Variants in FAN1 observed in about 807,000 individuals in gnomAD.
FAN1 encodes the protein fanconi-associated nuclease 1.
Under a neutral mutation model 104.9 loss-of-function variants are expected in FAN1, and 91 were observed. The observed-to-expected ratio is 0.87, with a 90% CI of 0.73 to 1.03. The LOEUF (loss-of-function observed/expected upper bound fraction) is 1.03. Among genes scored for constraint, FAN1 ranks in the 50% least tolerant of loss-of-function variants. FAN1 has a pLI of 0.00. For synonymous variants in FAN1, 478 were observed against 457.6 expected (o/e 1.04, Z -0.57); for missense variants, 1,263 against 1,239.9 (o/e 1.02, Z -0.28).
intron 3 of FAN1, 115 bp downstream of exon 3, chr15:30,908,373 C>A: frequency 2.5e-6 from 2 of 804,946 alleles, no homozygotes; most frequent in East Asian, 5.8e-5. Context: ...TGGTAACTTA[C>A]TGTTTTTTAA....
chr15:30,911,349 A>G, intron 4 of FAN1: 1 of 985,204 alleles, frequency 1.0e-6, no homozygotes, highest in South Asian at 4.7e-5. Flanking sequence ...AAACTATATC[A>G]ACTCTAGCCT....
rs1221090996 is a variant in FAN1 at position 30,925,791 on chromosome 15, G to A, written c.2340G>A (p.Val780=). The stretch of plus-strand genomic sequence containing the variant: ...ATGTTATTCTGCTGCTGTTTCAGGT[G>A]ACCATCACAGGCAGGCTGTGCCCAC... ...PEMAVQDVKH[V]TITGRLCPQR... is the part of the protein sequence containing the mutation. Residue 780 remains valine (V), a splice_region_variant and synonymous_variant, in exon 10 of 15, where the codon GTG becomes GTA. Coordinates refer to ENST00000362065, the MANE Select transcript of FAN1 (RefSeq NM_014967.5). 2 of 1,613,978 alleles carry A rather than the reference G, an allele frequency of 1.2e-6. No individual in the cohort carries two copies. The highest frequency in any genetic ancestry group is 2.7e-5 in the African/African-American group (2 of 74,958).
rs774329845 is a variant in FAN1 at position 30,918,204 on chromosome 15, G to A, written c.1852G>A (p.Ala618Thr). The A allele has an allele frequency of 8.1e-6, 13 of 1,613,792 alleles. No individual in the cohort carries two copies. The highest frequency in any genetic ancestry group is 5.3e-5 in the African/African-American group (4 of 74,848). The change falls in exon 6 of 15, where the codon GCA (alanine) becomes ACA (threonine). Residue 618 changes from alanine (A) to threonine (T), a missense_variant. Around this residue, in one of 2 missense-constraint regions of FAN1, gnomAD observed 581 missense variants for 668.8 expected, o/e 0.87. Transcript: ENST00000362065. Reference sequence around the variant, plus strand: ...GCACATGCTGAGTGACATTTCTTCCGCAATGGCCAATGGGAACTGGGAAGA... The same window carrying A: ...GCACATGCTGAGTGACATTTCTTCCACAATGGCCAATGGGAACTGGGAAGA... ...ATHMLSDISS[A>T]MANGNWEEAK...
At chr15:30,913,780 A>T in intron 4 of FAN1, 78 bp from the exon 5 acceptor site, 1 of 930,204 alleles carries the variant, frequency 1.1e-6, no homozygotes, top group Non-Finnish European at 1.6e-6. Context: ...TCTTTATTTT[A>T]GATGAAAATA....
At chr15:30,925,614 C>T (rs1041619544) in intron 9 of FAN1, among the ~76,000 whole-genome samples, 175 bp from the exon 10 acceptor site, 1 of 152,196 alleles carries the variant, frequency 6.6e-6, no homozygotes, top group Non-Finnish European at 1.5e-5. Flanking sequence ...CTCCCAGGGC[C>T]GGACCAGCGA....
chr15:30,924,168 A>C (rs184369751), intron 8 of FAN1, among the ~76,000 whole-genome samples: 89 of 152,324 alleles, frequency 5.8e-4, no homozygotes, highest in Non-Finnish European at 1.1e-3. Context: ...ATCGTGGCAC[A>C]TGTCAGGACT....
Position 30,925,847 on chromosome 15 carries a change from TG to T in FAN1, c.2398del (p.Glu800ArgfsTer90). 6.2e-7 allele frequency: 1 copy of T among 1,614,254 alleles called. No individual in the cohort carries two copies. On this transcript the variant is annotated frameshift_variant, in exon 10 of 15. Coordinates refer to ENST00000362065, the MANE Select transcript of FAN1 (RefSeq NM_014967.5). LOFTEE classifies it high-confidence loss of function. ...QRGMCKSVFV[M>X]EAGEAADPTT... Reference sequence around the variant, plus strand: ...GGGATGTGCAAGTCTGTGTTTGTGATGGAGGCCGGGGAGGCCGCTGACCCCA... The same window carrying T: ...GGGATGTGCAAGTCTGTGTTTGTGATGAGGCCGGGGAGGCCGCTGACCCCA...
At chr15:30,923,029 A>G (rs993234717) in intron 8 of FAN1, among the ~76,000 whole-genome samples, 3 of 152,140 alleles carry the variant, frequency 2.0e-5, no homozygotes, top group African/African-American at 7.2e-5. Flanking sequence ...CCCTGTCTCT[A>G]TTCCAGCCCT....
At chr15:30,907,028 C>G (rs1392776162) in intron 2 of FAN1, among the ~76,000 whole-genome samples, 3 of 150,724 alleles carry the variant, frequency 2.0e-5, no homozygotes, top group Admixed American at 6.6e-5. Flanking sequence ...CATGTACAAT[C>G]TGTTGGTGTG....
rs8029581 is a variant in FAN1, at chr15:30,918,007, T to G, written c.1812-157T>G. ...ATCAGTTCTGGGCCACTCCAGTGAT[T>G]TGGTTAAGATAAATTATTATTAGAA... is the stretch of plus-strand genomic sequence containing the variant. On this transcript the variant is annotated intron_variant, in intron 5 of 14. Coordinates refer to ENST00000362065, the MANE Select transcript of FAN1 (RefSeq NM_014967.5). 0.038 allele frequency among the ~76,000 whole-genome samples: 5,711 copies of G among 152,288 alleles called. 347 individuals carry two copies. The highest frequency in any genetic ancestry group is 0.13 in the African/African-American group (5,416 of 41,528).
At chr15:30,919,120 C>T (rs2955798) in intron 6 of FAN1, among the ~76,000 whole-genome samples, 62,623 of 151,982 alleles carry the variant, frequency 0.41, 14,265 homozygotes, top group East Asian at 0.85. Flanking sequence ...GTGGCTCACG[C>T]CTGTAATCCC....
rs751885574 is a variant in FAN1 at position 30,941,923 on chromosome 15, C to T, written c.*361C>T. On this transcript the variant is annotated 3_prime_UTR_variant, in exon 15 of 15. Coordinates refer to ENST00000362065, the MANE Select transcript of FAN1 (RefSeq NM_014967.5). ...AAAACCATTCTCTAAAATACTGCTC[C>T]GTATCACTGTTCTGGCTGTCGGTTT... 3.0e-5 allele frequency: 48 copies of T among 1,613,874 alleles called. No homozygotes were observed. Among genetic ancestry groups the T allele is most frequent in the East Asian group, 4.5e-5 (2 of 44,904 alleles).
At position 30,905,214 on chromosome 15, in the gene FAN1, C is replaced by A; in HGVS notation, c.551C>A (p.Ser184Tyr). ...TTTGCCGGTTCTAGTCCACAGAGTT[C>A]CAAATCCACAGTTGTTAAGAGCCTG... ...EEFAGSSPQS[S>Y]KSTVVKSLID... The change falls in exon 2 of 15, where the codon TCC (serine) becomes TAC (tyrosine). Residue 184 changes from serine (S) to tyrosine (Y), a missense_variant. Physicochemically the swap from Ser to Tyr is moderately radical, Grantham distance 144. This residue lies in a region of FAN1 where 682 missense variants were observed against 571.1 expected (regional missense o/e 1.19). Coordinates refer to ENST00000362065, the MANE Select transcript of FAN1 (RefSeq NM_014967.5). 1 of 1,613,788 alleles carries A rather than the reference C, an allele frequency of 6.2e-7. No homozygotes were observed. The highest frequency in any genetic ancestry group is 8.5e-7 in the Non-Finnish European group (1 of 1,179,910).
rs900571384 is a variant in FAN1 at position 30,920,790 on chromosome 15, G to C, written c.2052+137G>C. 4.7e-5 allele frequency: 27 copies of C among 569,920 alleles called. No individual in the cohort carries two copies. In the African/African-American group the frequency reaches 4.9e-4, roughly 10 times the overall value. 35.3% of individuals were successfully genotyped at this position (569,920 alleles called of 1,614,324 possible). On this transcript the variant is annotated intron_variant, in intron 7 of 14. Transcript: ENST00000362065. ...AATATAATGGAGGCATATTTGTTTT[G>C]TTTTGTCTTTTTGAGACAGGGTCTC...
intron 8 of FAN1, among the ~76,000 whole-genome samples, chr15:30,922,861 C>T (rs1322289205): frequency 6.6e-6 from 1 of 152,232 alleles, no homozygotes; most frequent in African/African-American, 2.4e-5. Context: ...GTTGTTTGAC[C>T]TTGAGCAGGC....
At chr15:30,926,511 A>G in intron 10 of FAN1, 1 of 414,630 alleles carries the variant, frequency 2.4e-6, no homozygotes, top group Non-Finnish European at 3.2e-6. Context: ...ATTAACAAGT[A>G]CTATAGAAAG....
chr15:30,916,133 CTG>C (rs1296653101), intron 5 of FAN1, among the ~76,000 whole-genome samples: 1 of 152,138 alleles, frequency 6.6e-6, no homozygotes, highest in Non-Finnish European at 1.5e-5. Context: ...TCTAATAAGA[CTG>C]TTTATTCTTA....
At chr15:30,929,576 TTATTATATTATA>T (rs1382593481) in intron 12 of FAN1, among the ~76,000 whole-genome samples, 179 bp downstream of exon 12, 12 of 128,472 alleles carry the variant, frequency 9.3e-5, no homozygotes, top group South Asian at 2.3e-4. Context: ...TTTATTATAT[TTATTATATTATA>T]TATTATATAT....
rs1491133521 is a variant in FAN1, at chr15:30,929,615, A to AC, written c.2787+218_2787+219insC. Among the ~76,000 whole-genome samples, 7 of 129,826 alleles carry AC rather than the reference A, an allele frequency of 5.4e-5. 1 individual carries two copies. The highest frequency in any genetic ancestry group is 1.1e-4 in the Non-Finnish European group (7 of 64,824). 85.2% of individuals were successfully genotyped at this position (129,826 alleles called of 152,430 possible). ...ATTATATATTACATATTACATATAT[A>AC]ATATATATTATATATTATACAATAT... On this transcript the variant is annotated intron_variant, in intron 12 of 14. Transcript: ENST00000362065.
Sources: allele counts gnomAD v4.1 joint callset (sites outside exome capture counted in the v4.1 genomes callset), GRCh38; gene constraint gnomAD v4.1.1; regional missense constraint gnomAD v4.1.1; transcripts MANE v1.5; gene names NCBI Gene and HGNC (gene_info 2026-07-23, HGNC 2026-07-21).